CD28: variants seen among roughly 807,000 people sequenced by gnomAD.
The protein encoded by CD28 is CD28 molecule.
A neutral mutation model predicts 21.4 loss-of-function variants in CD28; 8 were observed. The ratio of observed to expected loss-of-function variants is 0.37; its 90% CI spans 0.22 to 0.68. The LOEUF is 0.68. Ranked by LOEUF, CD28 falls within the 30% of genes least tolerant of loss-of-function variation. CD28 has a pLI of 0.55. For synonymous variants in CD28, 106 were observed against 104.0 expected, an observed-to-expected ratio of 1.02 and a Z score of -0.12; for missense variants, 239 against 272.2, an observed-to-expected ratio of 0.88 and a Z score of 0.86.
In CD28 at chr2:203,734,764, G is replaced by A; in HGVS notation, c.535-20G>A. On this transcript the variant is annotated intron_variant, in intron 3 of 3. Coordinates refer to ENST00000324106, the MANE Select transcript of CD28 (RefSeq NM_006139.4). ...TTCCATGACATTGTCCCTCCATACT[G>A]ACACTTCTCTTTCCTGCAGGTGAGG... is the stretch of plus-strand genomic sequence containing the variant. The A allele has an allele frequency of 6.2e-7, 1 of 1,613,920 alleles. No individual in the cohort carries two copies. Among genetic ancestry groups the A allele is most frequent in the Non-Finnish European group, 8.5e-7 (1 of 1,179,812 alleles).
chr2:203,708,591 G>A (rs1214978519), intron 1 of CD28, among the ~76,000 whole-genome samples: 1 of 152,130 alleles, frequency 6.6e-6, no homozygotes, highest in Non-Finnish European at 1.5e-5. Context: ...GTTTTCTTTA[G>A]AACATTTATT....
rs150242792 is a variant in CD28 at position 203,706,742 on chromosome 2, G to A, written c.46G>A (p.Val16Ile). The change falls in exon 1 of 4, where the codon GTA (valine) becomes ATA (isoleucine). Residue 16 changes from valine to isoleucine, a missense_variant. Physicochemically the swap from Val to Ile is conservative, Grantham distance 29. Transcript: ENST00000324106. ...LALNLFPSIQ[V>I]TGNKILVKQS... ...TCTCAACTTATTCCCTTCAATTCAA[G>A]TAACAGGTAAACAATGTTAATGTCT... 3.0e-4 allele frequency: 476 copies of A among 1,609,458 alleles called. 2 individuals carry two copies. The African/African-American group carries it at 5.4e-3, about 18-fold the overall frequency.
chr2:203,728,751 T>C (rs1000155592), intron 2 of CD28, among the ~76,000 whole-genome samples: 8 of 152,232 alleles, frequency 5.3e-5, no homozygotes, highest in Non-Finnish European at 1.0e-4. Context: ...TTTTTTCCTA[T>C]ATGAAAGGCA....
chr2:203,706,689 G>A lies in CD28; in HGVS notation c.-8G>A. On this transcript the variant is annotated 5_prime_UTR_variant, in exon 1 of 4. Coordinates refer to ENST00000324106, the MANE Select transcript of CD28 (RefSeq NM_006139.4). ...GGGCTGGAACCCTAGCCCATCGTCAGGACAAAGATGCTCAGGCTGCTCTTG... is the reference window on the plus strand; with the variant it reads ...GGGCTGGAACCCTAGCCCATCGTCAAGACAAAGATGCTCAGGCTGCTCTTG... 1 of 1,614,100 alleles carries A rather than the reference G, an allele frequency of 6.2e-7. No individual in the cohort carries two copies. Among genetic ancestry groups the A allele is most frequent in the South Asian group, 1.1e-5 (1 of 91,086 alleles).
chr2:203,729,770 T>C lies in CD28; in HGVS notation c.532T>C (p.Trp178Arg). The C allele has an allele frequency of 6.2e-7, 1 of 1,613,288 alleles. No homozygotes were observed. The highest frequency in any genetic ancestry group is 1.1e-5 in the South Asian group (1 of 90,822). The change falls in exon 3 of 4, where the codon TGG (tryptophan) becomes CGG (arginine). Residue 178 changes from tryptophan to arginine, a missense_variant and splice_region_variant. By Grantham distance (101) the Trp-to-Arg change is moderately radical (BLOSUM62 -3). Coordinates refer to ENST00000324106, the MANE Select transcript of CD28 (RefSeq NM_006139.4). ...AGTAACAGTGGCCTTTATTATTTTC[T>C]GGGTAAGAGAAGCAGCACTGCTTTT... is the stretch of plus-strand genomic sequence containing the variant. ...LLVTVAFIIF[W>R]VRSKRSRLLH...
chr2:203,732,112 G>A (rs768750134), intron 3 of CD28, among the ~76,000 whole-genome samples: 3 of 152,198 alleles, frequency 2.0e-5, no homozygotes, highest in Non-Finnish European at 2.9e-5. Flanking sequence ...GAGTTTAGCT[G>A]TTTCCTGGGT....
At chr2:203,706,840 T>C in intron 1 of CD28, 92 bp downstream of exon 1, 1 of 977,964 alleles carries the variant, frequency 1.0e-6, no homozygotes, top group East Asian at 2.5e-5. Context: ...ATGTGTGAAA[T>C]TTGAACATTT....
At position 203,713,863 on chromosome 2, in the gene CD28, G is replaced by C. The variant is rs1286026570; in HGVS notation, c.52+7115G>C. On this transcript the variant is annotated intron_variant, in intron 1 of 3. Coordinates refer to ENST00000324106, the MANE Select transcript of CD28 (RefSeq NM_006139.4). ...AGAGAGAGAGAGAGGGAGAGAGAGA[G>C]AGAGAGAGAGAGACAGAGAGAGAGA... 5.4e-5 allele frequency among the ~76,000 whole-genome samples: 8 copies of C among 146,970 alleles called. No individual in the cohort carries two copies. The South Asian group carries it at 8.6e-4, about 16-fold the overall frequency.
intron 1 of CD28, among the ~76,000 whole-genome samples, chr2:203,711,654 A>T (rs1224333172): frequency 6.6e-6 from 1 of 152,120 alleles, no homozygotes; most frequent in Admixed American, 6.6e-5. Context: ...TTGGCCTCTG[A>T]TCTAATTGTG....
chr2:203,706,608 G>C, upstream of CD28: 1 of 1,609,570 alleles, frequency 6.2e-7, no homozygotes, highest in Non-Finnish European at 8.5e-7. Context: ...AGACTCTCAG[G>C]CCTTGGCAGG....
chr2:203,708,477 A>G (rs1693219594), intron 1 of CD28, among the ~76,000 whole-genome samples: 1 of 152,264 alleles, frequency 6.6e-6, no homozygotes, highest in South Asian at 2.1e-4. Flanking sequence ...AAAATTGGTA[A>G]TTGTACACTA....
At chr2:203,731,937 A>G (rs915360854) in intron 3 of CD28, among the ~76,000 whole-genome samples, 3 of 152,110 alleles carry the variant, frequency 2.0e-5, no homozygotes, top group Non-Finnish European at 4.4e-5. Flanking sequence ...CTGCATCTCA[A>G]ACCTGGGTCT....
chr2:203,714,542 G>A (rs1411511036), intron 1 of CD28, among the ~76,000 whole-genome samples: 4 of 152,166 alleles, frequency 2.6e-5, no homozygotes, highest in Admixed American at 6.5e-5. Flanking sequence ...ATTTCTCAAG[G>A]TGGGGGATGT....
chr2:203,708,148 A>G (rs746281622), intron 1 of CD28, among the ~76,000 whole-genome samples: 1 of 152,218 alleles, frequency 6.6e-6, no homozygotes, highest in Non-Finnish European at 1.5e-5. Flanking sequence ...TTAAGTGTAC[A>G]TAGCCCAAAG....
chr2:203,707,959 C>A (rs149377739), intron 1 of CD28, among the ~76,000 whole-genome samples: 93 of 152,282 alleles, frequency 6.1e-4, no homozygotes, highest in African/African-American at 2.1e-3. Context: ...TCAACGTGTT[C>A]TCAGAGTTAG....
At chr2:203,710,950 A>G (rs1364269821) in intron 1 of CD28, among the ~76,000 whole-genome samples, 2 of 152,170 alleles carry the variant, frequency 1.3e-5, no homozygotes, top group Non-Finnish European at 2.9e-5. Context: ...AGAGGCTGGA[A>G]CTTTTCTTCT....
chr2:203,731,378 T>C (rs1385201535), intron 3 of CD28, among the ~76,000 whole-genome samples: 2 of 152,242 alleles, frequency 1.3e-5, no homozygotes, highest in Non-Finnish European at 2.9e-5. Context: ...TCTTAATCTC[T>C]GGCCATTGGC....
At chr2:203,724,859 G>A (rs982627308) in intron 1 of CD28, among the ~76,000 whole-genome samples, 4 of 152,048 alleles carry the variant, frequency 2.6e-5, no homozygotes, top group African/African-American at 4.8e-5. Flanking sequence ...GTGGGTATAC[G>A]GGATGTTGCT....
chr2:203,706,977 A>G (rs1693174257), intron 1 of CD28, among the ~76,000 whole-genome samples: 1 of 152,090 alleles, frequency 6.6e-6, no homozygotes, highest in African/African-American at 2.4e-5. Flanking sequence ...TTCTCTAGCT[A>G]TTAGTTGATA....
Sources: gnomAD v4.1 joint callset for allele counts (sites outside exome capture counted in the v4.1 genomes callset) on GRCh38, gnomAD v4.1.1 for gene constraint, MANE v1.5 for transcripts, NCBI Gene and HGNC (gene_info 2026-07-23, HGNC 2026-07-21) for gene names.